KDM5B: variants seen among roughly 807,000 people sequenced by gnomAD.
KDM5B encodes lysine demethylase 5B, also known as lysine-specific demethylase 5B.
A neutral mutation model predicts 193.4 loss-of-function variants in KDM5B; 144 were observed. That is an observed-to-expected ratio of 0.74 (90% CI 0.65 to 0.86). KDM5B has a LOEUF of 0.86. KDM5B is among the 40% of genes least tolerant of loss of function. The pLI is 0.00. For missense variants in KDM5B, 1,833 were observed against 1,886.9 expected (o/e 0.97, Z 0.53); for synonymous variants, 668 against 682.6 (o/e 0.98, Z 0.33).
At chr1:202,775,325 C>T (rs893367356) in intron 2 of KDM5B, among the ~76,000 whole-genome samples, 10 of 151,152 alleles carry the variant, frequency 6.6e-5, no homozygotes, top group African/African-American at 2.4e-4. Context: ...ATCACGAGGT[C>T]AGGAGTTCGA....
At chr1:202,767,413 C>T (rs1656516040) in intron 4 of KDM5B, 8 of 1,398,002 alleles carry the variant, frequency 5.7e-6, no homozygotes, top group Non-Finnish European at 8.1e-6. Context: ...GATGCTCTAG[C>T]CCAACATAGC....
At chr1:202,783,101 C>T (rs1478815303) in intron 1 of KDM5B, among the ~76,000 whole-genome samples, 1 of 152,114 alleles carries the variant, frequency 6.6e-6, no homozygotes, top group Non-Finnish European at 1.5e-5. Context: ...CAAAAATTAG[C>T]CGGACATGGT....
At chr1:202,771,115 G>A (rs1656693472) in intron 4 of KDM5B, among the ~76,000 whole-genome samples, 1 of 152,204 alleles carries the variant, frequency 6.6e-6, no homozygotes, top group Non-Finnish European at 1.5e-5. Flanking sequence ...CTTAGGAAGA[G>A]TTCAAGAAGA....
chr1:202,747,664 G>C (rs887264582), intron 14 of KDM5B, among the ~76,000 whole-genome samples: 1 of 151,446 alleles, frequency 6.6e-6, no homozygotes, highest in Non-Finnish European at 1.5e-5. Context: ...ACTTTAGCAA[G>C]GTCTCAGGAG....
intron 1 of KDM5B, among the ~76,000 whole-genome samples, chr1:202,778,716 G>A (rs527758138): frequency 1.6e-4 from 24 of 152,180 alleles, no homozygotes; most frequent in East Asian, 1.5e-3. Context: ...TCTGCCTCCC[G>A]GGTTCAAGTG....
At chr1:202,763,989 T>G (rs1383350821) in intron 6 of KDM5B, 60 bp downstream of exon 6, 1 of 945,534 alleles carries the variant, frequency 1.1e-6, no homozygotes, top group African/African-American at 1.7e-5. Flanking sequence ...TGTTTACTTA[T>G]GAATAGTTAT....
chr1:202,746,634 G>T (rs1029608927), intron 14 of KDM5B: 1 of 225,734 alleles, frequency 4.4e-6, no homozygotes, highest in Non-Finnish European at 8.6e-6. Flanking sequence ...AATTAGCCTT[G>T]TCCACATTTT....
chr1:202,742,973 T>C (rs936822206), intron 16 of KDM5B, among the ~76,000 whole-genome samples, 168 bp from the exon 17 acceptor site: 1 of 152,162 alleles, frequency 6.6e-6, no homozygotes, highest in Non-Finnish European at 1.5e-5. Flanking sequence ...TTTTGCAGGG[T>C]GGTGGCTGAA....
rs776890339 is a variant in KDM5B, at chr1:202,733,899, TAAC to T, written c.3424-16_3424-14del. ...CAAGAGTTGCCATCTGAAAAAGAGTTAACAATCAAGGATGATGTCCGAGATGGC... is the reference window on the plus strand; with the variant it reads ...CAAGAGTTGCCATCTGAAAAAGAGTTAATCAAGGATGATGTCCGAGATGGC... On this transcript the variant is annotated splice_polypyrimidine_tract_variant and intron_variant, in intron 22 of 26. Transcript: ENST00000367265. 164 of 1,597,568 alleles carry T rather than the reference TAAC, an allele frequency of 1.0e-4. 1 individual carries two copies. In the South Asian group the frequency reaches 1.7e-3, roughly 17 times the overall value.
chr1:202,768,517 G>C (rs957615419), intron 4 of KDM5B, among the ~76,000 whole-genome samples: 1 of 151,882 alleles, frequency 6.6e-6, no homozygotes, highest in Non-Finnish European at 1.5e-5. Context: ...ACTGGGCGAA[G>C]AACAAAATAA....
Position 202,777,079 on chromosome 1 carries a change from A to G in KDM5B, c.220T>C (p.Phe74Leu), listed in dbSNP as rs779052927. 1.2e-6 allele frequency: 2 copies of G among 1,613,104 alleles called. No individual in the cohort carries two copies. Among genetic ancestry groups the G allele is most frequent in the Non-Finnish European group, 8.5e-7 (1 of 1,179,218 alleles). ...TGAAGTTTATCAACATCACATGCAA[A>G]TGGTGGCTGCCAATCCTAGGAGAAA... ...VRPPPDWQPP[F>L]ACDVDKLHFT... Residue 74 changes from phenylalanine to leucine, a missense_variant, in exon 2 of 27, where the codon TTT (phenylalanine) becomes CTT (leucine). Physicochemically the swap from Phe to Leu is conservative, Grantham distance 22. This residue lies in a region of KDM5B where 355 missense variants were observed against 374.9 expected (regional missense o/e 0.95). Coordinates refer to ENST00000367265, the MANE Select transcript of KDM5B (RefSeq NM_006618.5).
At chr1:202,765,134 C>A (rs1177607647) in intron 5 of KDM5B, among the ~76,000 whole-genome samples, 1 of 152,158 alleles carries the variant, frequency 6.6e-6, no homozygotes, top group Non-Finnish European at 1.5e-5. Context: ...CTCCATTAGC[C>A]TCTAAGAGTT....
intron 12 of KDM5B, 22 bp from the exon 13 acceptor site, chr1:202,750,800 A>G (rs371982230): frequency 6.2e-6 from 10 of 1,609,030 alleles, no homozygotes; most frequent in Middle Eastern, 1.7e-4. Context: ...GAAATTGAAG[A>G]TTTTTGAGTT....
At chr1:202,798,094 G>C (rs1423732634) in intron 1 of KDM5B, among the ~76,000 whole-genome samples, 1 of 152,166 alleles carries the variant, frequency 6.6e-6, no homozygotes, top group Non-Finnish European at 1.5e-5. Flanking sequence ...AGCTACTAGG[G>C]AGGCTGAGGT....
rs370843046 is a variant in KDM5B at position 202,741,500 on chromosome 1, T to C, written c.2812A>G (p.Met938Val). ...LDPSSLTLDD[M>V]RRLIDLGVGL... ...ACCCCTAGGTCTATGAGACGTCTCA[T>C]ATCATCTAAAGTAAGGGAGCTGGGG... The change falls in exon 19 of 27, where the codon ATG becomes GTG. Residue 938 changes from methionine (M) to valine (V), a missense_variant. Coordinates refer to ENST00000367265, the MANE Select transcript of KDM5B (RefSeq NM_006618.5). The C allele has an allele frequency of 1.9e-6, 3 of 1,614,106 alleles. No individual in the cohort carries two copies. The highest frequency in any genetic ancestry group is 2.7e-5 in the African/African-American group (2 of 74,944).
intron 23 of KDM5B, 150 bp downstream of exon 23, chr1:202,733,251 G>C: frequency 1.3e-6 from 1 of 764,042 alleles, no homozygotes; most frequent in Non-Finnish European, 2.1e-6. Flanking sequence ...TACCTGCATG[G>C]TCTTGAAGTG....
intron 1 of KDM5B, among the ~76,000 whole-genome samples, chr1:202,803,780 G>A (rs1028780592): frequency 1.3e-5 from 2 of 151,218 alleles, no homozygotes; most frequent in African/African-American, 2.4e-5. Context: ...ATGACGTTGC[G>A]CCATGGCACT....
At chr1:202,794,192 AG>A (rs1269631545) in intron 1 of KDM5B, among the ~76,000 whole-genome samples, 1 of 152,220 alleles carries the variant, frequency 6.6e-6, no homozygotes, top group Non-Finnish European at 1.5e-5. Context: ...AAGCCTGGCA[AG>A]GATGAGATAT....
rs370070217 is a variant in KDM5B at position 202,773,359 on chromosome 1, G to C, written c.406-71C>G. 3 of 1,326,420 alleles carry C rather than the reference G, an allele frequency of 2.3e-6. No homozygotes were observed. The African/African-American group carries it at 4.4e-5, about 19-fold the overall frequency. The allele number at this position is 1,326,420 out of a possible 1,614,324, so 82.2% of individuals were successfully genotyped here. On this transcript the variant is annotated intron_variant, in intron 3 of 26. Transcript: ENST00000367265. Reference sequence around the variant, plus strand: ...TAATCACATCTAAGTATGACTCCAAGGGGAAAATGTTCTTGGCTATGGTTA... The same window carrying C: ...TAATCACATCTAAGTATGACTCCAACGGGAAAATGTTCTTGGCTATGGTTA...
Sources: allele counts gnomAD v4.1 joint callset (sites outside exome capture counted in the v4.1 genomes callset), GRCh38; gene constraint gnomAD v4.1.1; regional missense constraint gnomAD v4.1.1; transcripts MANE v1.5; gene names NCBI Gene and HGNC (gene_info 2026-07-23, HGNC 2026-07-21).